Variants in BLVRA observed in about 807,000 individuals in gnomAD.
BLVRA encodes the protein biliverdin reductase A.
In BLVRA, 22 loss-of-function variants were observed where a neutral mutation model predicts 32.8. That is an observed-to-expected ratio of 0.67 (90% CI 0.48 to 0.96). The LOEUF is 0.96. Ranked by LOEUF, BLVRA falls within the 40% of genes least tolerant of loss-of-function variation. The probability of loss-of-function intolerance (pLI) is 0.00; values close to 1 mark genes in which losing one functional copy is unlikely to be tolerated. For missense variants in BLVRA, 323 were observed against 358.1 expected (o/e 0.90, Z 0.79); for synonymous variants, 119 against 141.3 (o/e 0.84, Z 1.12).
chr7:43,800,364 G>A, intron 5 of BLVRA, 101 bp from the exon 6 acceptor site: 2 of 1,145,148 alleles, frequency 1.7e-6, no homozygotes, highest in East Asian at 2.4e-5. Context: ...GCAGTTATGA[G>A]TGCTTCATGT....
intron 4 of BLVRA, chr7:43,791,639 G>C (rs1007379190): frequency 4.9e-6 from 2 of 407,092 alleles, no homozygotes; most frequent in African/African-American, 4.1e-5. Flanking sequence ...TTATTTCTCT[G>C]TAAAAACCCA....
chr7:43,769,894 C>T (rs2095752604), intron 1 of BLVRA, among the ~76,000 whole-genome samples: 1 of 152,180 alleles, frequency 6.6e-6, no homozygotes, highest in Admixed American at 6.5e-5. Flanking sequence ...CAGGCGTGAG[C>T]CACTGCGCCC....
chr7:43,799,290 C>T (rs1488745285), intron 5 of BLVRA, among the ~76,000 whole-genome samples: 1 of 152,158 alleles, frequency 6.6e-6, no homozygotes, highest in Admixed American at 6.5e-5. Context: ...GTCCCAGGAG[C>T]ATCTCCCACT....
At position 43,795,787 on chromosome 7, in the gene BLVRA, T is replaced by C. The variant is rs1166641473; in HGVS notation, c.352+2975T>C. On this transcript the variant is annotated intron_variant, in intron 5 of 7. Coordinates refer to ENST00000265523, the MANE Select transcript of BLVRA (RefSeq NM_000712.4). The stretch of plus-strand genomic sequence containing the variant: ...GTTTTTTTGAAAAAAATCCATAAAA[T>C]TGACAGAATTTTAGCAGATTAAGAA... Among the ~76,000 whole-genome samples, 4 of 151,538 alleles carry C rather than the reference T, an allele frequency of 2.6e-5. No individual in the cohort carries two copies. The East Asian group carries it at 7.8e-4, about 29-fold the overall frequency.
chr7:43,765,320 C>T (rs959344538), intron 1 of BLVRA, among the ~76,000 whole-genome samples: 1 of 151,482 alleles, frequency 6.6e-6, no homozygotes, highest in Non-Finnish European at 1.5e-5. Flanking sequence ...GGTGTGATCT[C>T]GGCTCACTGC....
chr7:43,770,165 T>C (rs849184), intron 1 of BLVRA, among the ~76,000 whole-genome samples: 1 of 151,976 alleles, frequency 6.6e-6, no homozygotes, highest in Non-Finnish European at 1.5e-5. Context: ...GTGGTCATCG[T>C]CATCGGCTTC....
intron 2 of BLVRA, among the ~76,000 whole-genome samples, chr7:43,771,583 A>G (rs1043084566): frequency 1.3e-5 from 2 of 151,882 alleles, no homozygotes; most frequent in Non-Finnish European, 2.9e-5. Context: ...CTTTTGTTTT[A>G]CCCATCAGCC....
intron 6 of BLVRA, 139 bp from the exon 7 acceptor site, chr7:43,803,537 C>G (rs2095800960): frequency 1.1e-6 from 1 of 931,512 alleles, no homozygotes; most frequent in African/African-American, 1.6e-5. Flanking sequence ...CGTTGCCTGC[C>G]TACCACATAA....
At chr7:43,782,318 A>G (rs1585725507) in intron 2 of BLVRA, among the ~76,000 whole-genome samples, 6 of 152,204 alleles carry the variant, frequency 3.9e-5, no homozygotes, top group Admixed American at 3.9e-4. Context: ...GGCTGGAGGG[A>G]GAAAGACAGA....
rs573982587 is a variant in BLVRA, at chr7:43,762,760, C to T, written c.-22+4026C>T. Among the ~76,000 whole-genome samples, 13 of 151,786 alleles carry T rather than the reference C, an allele frequency of 8.6e-5. No homozygotes were observed. The East Asian group carries it at 2.3e-3, about 27-fold the overall frequency. On this transcript the variant is annotated intron_variant, in intron 1 of 7. Transcript: ENST00000265523. The stretch of plus-strand genomic sequence containing the variant: ...CCGAGTAGCTGGGACTACAGGTGCA[C>T]GCCACCATACCCAGGTAATTTTTGT...
chr7:43,797,005 G>A (rs1437617886), intron 5 of BLVRA, among the ~76,000 whole-genome samples: 2 of 152,208 alleles, frequency 1.3e-5, no homozygotes, highest in Non-Finnish European at 2.9e-5. Context: ...CACAGCCACC[G>A]TCAGTAACCA....
chr7:43,797,230 G>C (rs2095793804), intron 5 of BLVRA, among the ~76,000 whole-genome samples: 1 of 152,200 alleles, frequency 6.6e-6, no homozygotes, highest in African/African-American at 2.4e-5. Context: ...TGGGATTATA[G>C]GTGCACACCA....
At chr7:43,771,104 C>G in intron 1 of BLVRA, 34 bp from the exon 2 acceptor site, 1 of 1,609,258 alleles carries the variant, frequency 6.2e-7, no homozygotes, top group Non-Finnish European at 8.5e-7. Context: ...GCAGGTGCCA[C>G]CAGGGACCTG....
rs77686183 is a variant in BLVRA, at chr7:43,759,543, G to C, written c.-22+809G>C. Among the ~76,000 whole-genome samples, 454 of 152,260 alleles carry C rather than the reference G, an allele frequency of 3.0e-3. 1 individual carries two copies. The highest frequency in any genetic ancestry group is 5.6e-3 in the Non-Finnish European group (382 of 68,016). Reference sequence around the variant, plus strand: ...CTCGATTTTCTCACCTGTAAAAGTGGGGGTAATCATAATGCTTACTTAGTA... The same window carrying C: ...CTCGATTTTCTCACCTGTAAAAGTGCGGGTAATCATAATGCTTACTTAGTA... On this transcript the variant is annotated intron_variant, in intron 1 of 7. Coordinates refer to ENST00000265523, the MANE Select transcript of BLVRA (RefSeq NM_000712.4).
At chr7:43,775,858 T>C (rs2095760239) in intron 2 of BLVRA, among the ~76,000 whole-genome samples, 1 of 152,298 alleles carries the variant, frequency 6.6e-6, no homozygotes, top group Middle Eastern at 3.4e-3. Flanking sequence ...TTCTTCCTGG[T>C]TTAGTCTTGG....
intron 5 of BLVRA, among the ~76,000 whole-genome samples, chr7:43,794,269 C>T (rs1048555851): frequency 1.3e-5 from 2 of 151,958 alleles, no homozygotes; most frequent in Non-Finnish European, 2.9e-5. Context: ...CCTACCCAGA[C>T]AAACAAAAAC....
rs1219209343 is a variant in BLVRA, at chr7:43,787,860, G to A, written c.13-44G>A. On this transcript the variant is annotated intron_variant, in intron 2 of 7. Coordinates refer to ENST00000265523, the MANE Select transcript of BLVRA (RefSeq NM_000712.4). This position sits in a 1 kb window ranked among gnomAD's most constrained non-coding sequence, Gnocchi z 4.5. ...TTTGTTTTGTAGTTTTCTGCTCGAT[G>A]CCTACAGTGTTTTCAGACTCCACCT... 2.5e-6 allele frequency: 4 copies of A among 1,614,080 alleles called. No individual in the cohort carries two copies. The highest frequency in any genetic ancestry group is 1.6e-4 in the Middle Eastern group (1 of 6,062).
chr7:43,801,148 C>T (rs767638920), intron 6 of BLVRA, among the ~76,000 whole-genome samples: 4 of 152,034 alleles, frequency 2.6e-5, no homozygotes, highest in African/African-American at 4.8e-5. Context: ...CACAGATGTG[C>T]GCCACAATAC....
At chr7:43,803,071 T>C (rs1023772166) in intron 6 of BLVRA, among the ~76,000 whole-genome samples, 2 of 152,188 alleles carry the variant, frequency 1.3e-5, no homozygotes, top group African/African-American at 4.8e-5. Flanking sequence ...GTTCACAAGA[T>C]TAGGAAGACT....
Sources: allele counts gnomAD v4.1 joint callset (sites outside exome capture counted in the v4.1 genomes callset), GRCh38; gene constraint gnomAD v4.1.1; non-coding constraint Gnocchi (gnomAD v3.1); transcripts MANE v1.5; gene names NCBI Gene and HGNC (gene_info 2026-07-23, HGNC 2026-07-21).